The following ZBTB1 variants were observed in gnomAD, a reference collection of about 807,000 sequenced individuals.
ZBTB1 encodes zinc finger and BTB domain-containing protein 1.
A neutral mutation model predicts 51.6 loss-of-function variants in ZBTB1; 13 were observed. The ratio of observed to expected loss-of-function variants is 0.25; its 90% confidence interval spans 0.16 to 0.40. The LOEUF (loss-of-function observed/expected upper bound fraction) is 0.40, where lower values mean the gene tolerates loss of function less well. Ranked by LOEUF, ZBTB1 falls within the 10% of genes least tolerant of loss-of-function variation. ZBTB1 has a pLI of 1.00. For missense variants in ZBTB1, 567 were observed against 856.5 expected, an observed-to-expected ratio of 0.66 and a Z score of 4.22; for synonymous variants, 240 against 282.2, an observed-to-expected ratio of 0.85 and a Z score of 1.50.
chr14:64,523,980 G>GTT lies in ZBTB1; in HGVS notation c.*335_*336insTT, dbSNP rs2079883561. The GTT allele has an allele frequency of 2.0e-6, 2 of 994,980 alleles. No homozygotes were observed. The highest frequency in any genetic ancestry group is 2.4e-6 in the Non-Finnish European group (2 of 826,614). The allele number at this position is 994,980 out of a possible 1,614,324, so 61.6% of individuals were successfully genotyped here. A position where few individuals can be genotyped will look rare whatever the true frequency, so the allele number is the denominator to read the frequency against. On this transcript the variant is annotated 3_prime_UTR_variant, in exon 2 of 2. Coordinates refer to ENST00000683701, the MANE Select transcript of ZBTB1 (RefSeq NM_001123329.2). The surrounding 1 kb of genome is among the most constrained non-coding windows in gnomAD (Gnocchi z 4.5). Reference sequence around the variant, plus strand: ...AAGGTGATGACTTCACTATTTCTATGTGTTTTTTTTTTTTTAAGGTTATCC... The same window carrying GTT: ...AAGGTGATGACTTCACTATTTCTATGTTTGTTTTTTTTTTTTTAAGGTTATCC...
At position 64,524,388 on chromosome 14, in the gene ZBTB1, T is replaced by C. The variant is rs2079887171; in HGVS notation, c.*742T>C. The C allele has an allele frequency of 1.3e-5, 11 of 842,792 alleles. No individual in the cohort carries two copies. The South Asian group carries it at 5.5e-4, about 42-fold the overall frequency. The allele number at this position is 842,792 out of a possible 1,614,324, so 52.2% of individuals were successfully genotyped here. ...GGATAAGCCATTTTGTTTTGTGATA[T>C]TAAATTTAACTATGATAGTTAATTA... On this transcript the variant is annotated 3_prime_UTR_variant, in exon 2 of 2. Transcript: ENST00000683701.
Position 64,504,818 on chromosome 14 carries a change from C to CT in ZBTB1, c.-147_-146insT, listed in dbSNP as rs1555347018. 2.6e-6 allele frequency: 1 copy of CT among 389,880 alleles called. No homozygotes were observed. The highest frequency in any genetic ancestry group is 4.5e-6 in the Non-Finnish European group (1 of 220,700). The allele number at this position is 389,880 out of a possible 1,614,324, so 24.2% of individuals were successfully genotyped here. A position where few individuals can be genotyped will look rare whatever the true frequency, so the allele number is the denominator to read the frequency against. On this transcript the variant is annotated 5_prime_UTR_variant, in exon 1 of 2. Transcript: ENST00000683701. ...GCCAGAGCCTCTCCGCGCAGCCCAG[C>CT]CCGAGCGCCGAGCGCCGCGCGCCGC...
At chr14:64,505,031 G>A (rs9323451) in intron 1 of ZBTB1, 85 bp downstream of exon 1, 100,483 of 381,320 alleles carry the variant, frequency 0.26, 14,322 homozygotes, top group Non-Finnish European at 0.31. Flanking sequence ...CGGAGTGCGG[G>A]GCCGGAGGGG....
At chr14:64,532,039 G>T in exon 3 of ZBTB1, 1 of 970,652 alleles carries the variant, frequency 1.0e-6, no homozygotes, top group African/African-American at 1.7e-5. Context: ...AAAAGTTCCA[G>T]TTGCAAAGAT....
chr14:64,505,462 G>C (rs1352424241), intron 1 of ZBTB1, among the ~76,000 whole-genome samples: 1 of 152,188 alleles, frequency 6.6e-6, no homozygotes, highest in Non-Finnish European at 1.5e-5. Context: ...CGGCACACAC[G>C]CTTTTTGTTC....
chr14:64,531,915 A>G, exon 3 of ZBTB1: 1 of 1,613,436 alleles, frequency 6.2e-7, no homozygotes. Context: ...GAATTTGGAG[A>G]GGACATGGGG....
intron 1 of ZBTB1, among the ~76,000 whole-genome samples, chr14:64,507,986 C>T (rs2079684449): frequency 1.3e-5 from 2 of 151,992 alleles, no homozygotes; most frequent in South Asian, 4.1e-4. Flanking sequence ...GGAAATTGGA[C>T]GAAAGAAGGG....
In ZBTB1 at chr14:64,523,378, A is replaced by T; in HGVS notation, c.1874A>T (p.Asn625Ile). The change falls in exon 2 of 2, where the codon AAT (asparagine) becomes ATT (isoleucine). Residue 625 changes from asparagine (N) to isoleucine (I), a missense_variant. Transcript: ENST00000683701. The surrounding 1 kb of genome is among the most constrained non-coding windows in gnomAD (Gnocchi z 4.5). ...AGAGAGCGTCAGTTGCGACTGCACA[A>T]TGATATGCACAAAGGCATGGCCAGG... The part of the protein sequence containing the change: ...FLRERQLRLH[N>I]DMHKGMARYV... The T allele has an allele frequency of 6.2e-7, 1 of 1,614,216 alleles. No homozygotes were observed. Among genetic ancestry groups the T allele is most frequent in the Non-Finnish European group, 8.5e-7 (1 of 1,180,014 alleles).
In ZBTB1 at chr14:64,511,654, C is replaced by G. The variant is rs528640545; in HGVS notation, c.-19+6708C>G. On this transcript the variant is annotated intron_variant, in intron 1 of 1. Transcript: ENST00000683701. ...ATGAGTTTTTGTCTAATTTCACAGC[C>G]AAGAAGAGATTGAAATGGTGGGCCA... 8.5e-5 allele frequency among the ~76,000 whole-genome samples: 13 copies of G among 152,194 alleles called. 1 individual carries two copies. The South Asian group carries it at 2.7e-3, about 32-fold the overall frequency.
chr14:64,509,357 C>G (rs1281075717), intron 1 of ZBTB1, among the ~76,000 whole-genome samples: 1 of 151,938 alleles, frequency 6.6e-6, no homozygotes, highest in African/African-American at 2.4e-5. Context: ...GATGACAGAG[C>G]CAGACCCTGT....
chr14:64,508,605 A>G (rs2079691013), intron 1 of ZBTB1, among the ~76,000 whole-genome samples: 1 of 152,230 alleles, frequency 6.6e-6, no homozygotes, highest in South Asian at 2.1e-4. Context: ...TCTACTTACA[A>G]GATAAGCAGT....
chr14:64,525,369 C>T (rs368364788), downstream of ZBTB1, among the ~76,000 whole-genome samples: 1 of 152,158 alleles, frequency 6.6e-6, no homozygotes, highest in Non-Finnish European at 1.5e-5. Context: ...CTTACCCTTA[C>T]TTAGATACAA....
rs2079863930 is a variant in ZBTB1, at chr14:64,521,952, G to A, written c.448G>A (p.Ala150Thr). Residue 150 changes from alanine to threonine, a missense_variant, in exon 2 of 2, where the codon GCT (alanine) becomes ACT (threonine). Physicochemically the swap from Ala to Thr is moderately conservative, Grantham distance 58. This residue lies in a region of ZBTB1 where 74 missense variants were observed against 74.9 expected (regional missense o/e 0.99). Coordinates refer to ENST00000683701, the MANE Select transcript of ZBTB1 (RefSeq NM_001123329.2). ...FGVRMYEDTVARNGNEANRWC... is the reference protein window; with the variant it reads ...FGVRMYEDTVTRNGNEANRWC... ...GGTAAGAATGTATGAAGATACTGTGGCTCGAAATGGCAATGAAGCCAACAG... is the reference window on the plus strand; with the variant it reads ...GGTAAGAATGTATGAAGATACTGTGACTCGAAATGGCAATGAAGCCAACAG... 6.2e-7 allele frequency: 1 copy of A among 1,614,160 alleles called. No individual in the cohort carries two copies. The highest frequency in any genetic ancestry group is 8.5e-7 in the Non-Finnish European group (1 of 1,180,032).
chr14:64,529,628 G>A (rs777565822), downstream of ZBTB1, among the ~76,000 whole-genome samples: 1 of 151,968 alleles, frequency 6.6e-6, no homozygotes, highest in Non-Finnish European at 1.5e-5. Flanking sequence ...AAAATTAGCC[G>A]GGCATGGTGG....
chr14:64,517,753 AGAAATATATATAT>A, intron 1 of ZBTB1, among the ~76,000 whole-genome samples: 2 of 69,194 alleles, frequency 2.9e-5, no homozygotes, highest in African/African-American at 4.7e-5. Flanking sequence ...GTTGCCATTT[AGAAATATATATAT>A]ATATATATAT....
chr14:64,520,885 CAG>C (rs1228359352), intron 1 of ZBTB1, among the ~76,000 whole-genome samples: 1 of 147,204 alleles, frequency 6.8e-6, no homozygotes, highest in East Asian at 2.1e-4. Context: ...TCTTTTGAGA[CAG>C]AGTCTTGCTC....
At chr14:64,528,344 CT>C (rs71123857), downstream of ZBTB1, among the ~76,000 whole-genome samples, 10,596 of 115,422 alleles carry the variant, frequency 0.092, 217 homozygotes, top group South Asian at 0.13. Flanking sequence ...TTTTTCTTTT[CT>C]TTTTTTTTTT....
At position 64,524,871 on chromosome 14, in the gene ZBTB1, T is replaced by A. The variant is rs1247012395; in HGVS notation, c.*1225T>A. ...AAGTAGTAGTATTGTTAGTTGTTGCTGACACAGGGTCTACATAATTACATG... is the reference window on the plus strand; with the variant it reads ...AAGTAGTAGTATTGTTAGTTGTTGCAGACACAGGGTCTACATAATTACATG... On this transcript the variant is annotated 3_prime_UTR_variant, in exon 2 of 2. Transcript: ENST00000683701. The A allele has an allele frequency of 1.0e-6, 1 of 985,246 alleles. No homozygotes were observed. Among genetic ancestry groups the A allele is most frequent in the Non-Finnish European group, 1.2e-6 (1 of 829,900 alleles). 61.0% of individuals were successfully genotyped at this position (985,246 alleles called of 1,614,324 possible).
At chr14:64,507,160 T>C (rs1246576922) in intron 1 of ZBTB1, among the ~76,000 whole-genome samples, 4 of 152,186 alleles carry the variant, frequency 2.6e-5, no homozygotes, top group African/African-American at 7.2e-5. Flanking sequence ...CATAGATTTT[T>C]GTTAATAAGC....
Sources: allele counts gnomAD v4.1 joint callset (sites outside exome capture counted in the v4.1 genomes callset), GRCh38; gene constraint gnomAD v4.1.1; regional missense constraint gnomAD v4.1.1; non-coding constraint Gnocchi (gnomAD v3.1); transcripts MANE v1.5; gene names NCBI Gene and HGNC (gene_info 2026-07-23, HGNC 2026-07-21).